Variants in TC2N observed in about 807,000 individuals in gnomAD.
TC2N encodes the protein tandem C2 domains nuclear protein.
TC2N carries 51 observed loss-of-function variants against 61.9 expected under a neutral mutation model. That is an observed-to-expected ratio of 0.82 (90% CI 0.66 to 1.04). The LOEUF (loss-of-function observed/expected upper bound fraction) is 1.04. TC2N is among the 50% of genes least tolerant of loss of function. TC2N has a pLI of 0.00. For synonymous variants in TC2N, 204 were observed against 192.6 expected (o/e 1.06, Z -0.49); for missense variants, 556 against 566.7 (o/e 0.98, Z 0.19).
Position 91,782,510 on chromosome 14 carries a change from G to A in TC2N, c.*590C>T, listed in dbSNP as rs1184640346. 2.0e-5 allele frequency: 3 copies of A among 151,968 alleles called. No homozygotes were observed. Among genetic ancestry groups the A allele is most frequent in the Non-Finnish European group, 4.4e-5 (3 of 67,882 alleles). The allele number at this position is 151,968 out of a possible 1,614,324, so 9.4% of individuals were successfully genotyped here. ...TATTTCTGAAGTTTTTTGGAGATAA[G>A]TAGCTTACAAAGGGATAATGTGATG... is the stretch of plus-strand genomic sequence containing the variant. On this transcript the variant is annotated 3_prime_UTR_variant, in exon 12 of 12. Coordinates refer to ENST00000435962, the MANE Select transcript of TC2N (RefSeq NM_001128596.3).
intron 1 of TC2N, among the ~76,000 whole-genome samples, chr14:91,847,969 T>G (rs1888301757): frequency 6.6e-6 from 1 of 152,224 alleles, no homozygotes; most frequent in Non-Finnish European, 1.5e-5. Flanking sequence ...GGTTGTAGAA[T>G]GGCTACCAGG....
intron 11 of TC2N, 88 bp downstream of exon 11, chr14:91,785,074 T>A (rs933635511): frequency 2.2e-6 from 2 of 889,204 alleles, no homozygotes; most frequent in Admixed American, 4.9e-5. Flanking sequence ...GTACTCTATT[T>A]GACTTTAATA....
At chr14:91,839,566 A>C (rs1747798009) in intron 1 of TC2N, among the ~76,000 whole-genome samples, 1 of 152,224 alleles carries the variant, frequency 6.6e-6, no homozygotes, top group South Asian at 2.1e-4. Context: ...ATAGCACTTG[A>C]TATAGAAGGC....
chr14:91,796,073 A>AT lies in TC2N; in HGVS notation c.855+1711dup, dbSNP rs531061622. Among the ~76,000 whole-genome samples, 31 of 152,154 alleles carry AT rather than the reference A, an allele frequency of 2.0e-4. No homozygotes were observed. The South Asian group carries it at 6.2e-3, about 31-fold the overall frequency. On this transcript the variant is annotated intron_variant, in intron 8 of 11. Coordinates refer to ENST00000435962, the MANE Select transcript of TC2N (RefSeq NM_001128596.3). Reference sequence around the variant, plus strand: ...TCCATACAAGTTTTAATATGGGAACATTTTTCCTAACTTTTCCTAAGTTAA... The same window carrying AT: ...TCCATACAAGTTTTAATATGGGAACATTTTTTCCTAACTTTTCCTAAGTTAA...
At chr14:91,844,951 T>C (rs1333946695) in intron 1 of TC2N, among the ~76,000 whole-genome samples, 1 of 152,052 alleles carries the variant, frequency 6.6e-6, no homozygotes, top group Non-Finnish European at 1.5e-5. Context: ...TGTGTATACA[T>C]TGGCTGGGTG....
intron 1 of TC2N, among the ~76,000 whole-genome samples, chr14:91,850,696 GC>G (rs1316256835): frequency 6.6e-6 from 1 of 152,222 alleles, no homozygotes. Context: ...ACTTTGGGAG[GC>G]CAAGGCCGGC....
intron 1 of TC2N, among the ~76,000 whole-genome samples, chr14:91,832,547 C>T (rs117533093): frequency 0.016 from 2,421 of 152,136 alleles, 29 homozygotes; most frequent in Non-Finnish European, 0.025. Flanking sequence ...ATTTCTCACC[C>T]GATTGTCTAA....
chr14:91,823,823 T>A (rs976370528), intron 1 of TC2N, among the ~76,000 whole-genome samples: 2 of 152,210 alleles, frequency 1.3e-5, no homozygotes, highest in African/African-American at 2.4e-5. Context: ...TAACTTTCAC[T>A]TATTAGCTAT....
In TC2N at chr14:91,787,544, G is replaced by C; in HGVS notation, c.1131C>G (p.Tyr377Ter). Residue 377 changes from tyrosine to a stop codon, truncating the protein, a stop_gained, in exon 10 of 12, where the codon TAC (tyrosine) becomes TAG (stop). Transcript: ENST00000435962. LOFTEE classifies it high-confidence loss of function. Reference protein sequence around the residue: ...RIQLQILEARYLPSSSTPLTL... With the variant: ...RIQLQILEAR ...TCAGAGGTGTTGATGAGCTTGGAAG[G>C]TACCGTGCCTCAAGAATTTGTAACT... is the stretch of plus-strand genomic sequence containing the variant. 1.2e-6 allele frequency: 2 copies of C among 1,612,372 alleles called. No homozygotes were observed. Among genetic ancestry groups the C allele is most frequent in the Non-Finnish European group, 1.7e-6 (2 of 1,179,188 alleles).
At chr14:91,851,155 C>A (rs1888367385) in intron 1 of TC2N, among the ~76,000 whole-genome samples, 1 of 152,156 alleles carries the variant, frequency 6.6e-6, no homozygotes, top group African/African-American at 2.4e-5. Context: ...CATCCCCTCA[C>A]CCCTAGTCCA....
intron 1 of TC2N, among the ~76,000 whole-genome samples, chr14:91,856,746 A>G (rs1888491836): frequency 6.6e-6 from 1 of 152,066 alleles, no homozygotes; most frequent in African/African-American, 2.4e-5. Context: ...GATTCTCTCT[A>G]TCCTTTTCCA....
intron 3 of TC2N, among the ~76,000 whole-genome samples, chr14:91,803,347 A>G (rs1334625291): frequency 1.3e-5 from 2 of 151,754 alleles, no homozygotes; most frequent in Non-Finnish European, 2.9e-5. Flanking sequence ...CTTAAATGGA[A>G]CATAAAGAGC....
Position 91,837,744 on chromosome 14 carries a change from G to C in TC2N, c.-56-23919C>G, listed in dbSNP as rs1888075252. 6.6e-6 allele frequency among the ~76,000 whole-genome samples: 1 copy of C among 152,142 alleles called. No individual in the cohort carries two copies. Among genetic ancestry groups the C allele is most frequent in the Non-Finnish European group, 1.5e-5 (1 of 68,012 alleles). ...TCACAATGCATACTAGCATTTTACAGGCATAAGAACCATGTTTTACTTTCT... is the reference window on the plus strand; with the variant it reads ...TCACAATGCATACTAGCATTTTACACGCATAAGAACCATGTTTTACTTTCT... On this transcript the variant is annotated intron_variant, in intron 1 of 11. Transcript: ENST00000435962. This position sits in a 1 kb window ranked among gnomAD's most constrained non-coding sequence, Gnocchi z 4.2.
intron 1 of TC2N, among the ~76,000 whole-genome samples, chr14:91,859,508 C>T (rs1054578352): frequency 5.3e-5 from 8 of 152,178 alleles, no homozygotes; most frequent in African/African-American, 1.9e-4. Flanking sequence ...TCACATTCTA[C>T]TCAACCTATT....
intron 1 of TC2N, among the ~76,000 whole-genome samples, chr14:91,843,945 T>G (rs1888213491): frequency 6.6e-6 from 1 of 152,178 alleles, no homozygotes; most frequent in African/African-American, 2.4e-5. Context: ...TCCTCCACCC[T>G]TCTAGCTTAT....
chr14:91,863,297 C>A (rs564374161), intron 1 of TC2N, among the ~76,000 whole-genome samples: 1 of 152,180 alleles, frequency 6.6e-6, no homozygotes, highest in Non-Finnish European at 1.5e-5. Context: ...CGCAGTAAGG[C>A]CAAACGTTCA....
chr14:91,841,976 CTTT>C (rs10682178), intron 1 of TC2N, among the ~76,000 whole-genome samples: 1 of 125,762 alleles, frequency 8.0e-6, no homozygotes, highest in Non-Finnish European at 1.6e-5. Flanking sequence ...TCCCTTCCAC[CTTT>C]TTTTTTTTTT....
At chr14:91,805,069 C>A (rs1886443609) in intron 3 of TC2N, among the ~76,000 whole-genome samples, 1 of 152,084 alleles carries the variant, frequency 6.6e-6, no homozygotes, top group South Asian at 2.1e-4. Flanking sequence ...TATTGTAATT[C>A]TCTGTATAAC....
At chr14:91,785,425 T>C (rs1885318770) in intron 10 of TC2N, 64 bp from the exon 11 acceptor site, 1 of 1,201,834 alleles carries the variant, frequency 8.3e-7, no homozygotes. Context: ...GATGTGTATA[T>C]ACACATCCAA....
Sources: gnomAD v4.1 joint callset for allele counts (sites outside exome capture counted in the v4.1 genomes callset) on GRCh38, gnomAD v4.1.1 for gene constraint, Gnocchi (gnomAD v3.1) non-coding constraint, MANE v1.5 for transcripts, NCBI Gene and HGNC (gene_info 2026-07-23, HGNC 2026-07-21) for gene names.